KALRN: variants seen among roughly 807,000 people sequenced by gnomAD.
KALRN encodes the protein kalirin.
A neutral mutation model predicts 353.7 loss-of-function variants in KALRN; 70 were observed. That is an observed-to-expected ratio of 0.20 (90% CI 0.16 to 0.24). KALRN has a LOEUF of 0.24. KALRN is among the 10% of genes least tolerant of loss of function. The pLI is 1.00. For synonymous variants in KALRN, 1,391 were observed against 1,434.8 expected (o/e 0.97, Z 0.69); for missense variants, 2,791 against 3,756.7 (o/e 0.74, Z 6.72).
Position 124,717,498 on chromosome 3 carries a change from G to T in KALRN, c.8415+113G>T, listed in dbSNP as rs702041. On this transcript the variant is annotated intron_variant, in intron 59 of 59. Coordinates refer to ENST00000682506, the MANE Select transcript of KALRN (RefSeq NM_001388419.1). ...TCAGGAGATCGAGACCATCCTGGCTGACACGGTGAAACCCCGTCTCTACTA... is the reference window on the plus strand; with the variant it reads ...TCAGGAGATCGAGACCATCCTGGCTTACACGGTGAAACCCCGTCTCTACTA... 3 of 590,044 alleles carry T rather than the reference G, an allele frequency of 5.1e-6. No homozygotes were observed. The South Asian group carries it at 1.1e-4, about 21-fold the overall frequency. 36.6% of individuals were successfully genotyped at this position (590,044 alleles called of 1,614,324 possible).
At chr3:124,373,438 G>C (rs892458039) in intron 10 of KALRN, among the ~76,000 whole-genome samples, 1 of 152,144 alleles carries the variant, frequency 6.6e-6, no homozygotes, top group Non-Finnish European at 1.5e-5. Context: ...TTTGTTTCCC[G>C]TGGCTACTGT....
intron 1 of KALRN, among the ~76,000 whole-genome samples, chr3:124,050,540 T>C (rs2040925965): frequency 6.6e-6 from 1 of 152,216 alleles, no homozygotes; most frequent in Non-Finnish European, 1.5e-5. Context: ...TCAGGTGCCC[T>C]CATAACCATT....
intron 11 of KALRN, among the ~76,000 whole-genome samples, chr3:124,392,409 A>G (rs2089531341): frequency 6.6e-6 from 1 of 152,196 alleles, no homozygotes; most frequent in Non-Finnish European, 1.5e-5. Context: ...AATCTTTATC[A>G]CAACTCTCTG....
chr3:124,446,419 C>T (rs1361231081), intron 20 of KALRN, 143 bp downstream of exon 20: 1 of 643,774 alleles, frequency 1.6e-6, no homozygotes, highest in Non-Finnish European at 2.7e-6. Context: ...AGGTTGTCAC[C>T]TGTCAGCAGT....
intron 4 of KALRN, 43 bp downstream of exon 4, chr3:124,264,733 C>T: frequency 1.3e-6 from 2 of 1,523,292 alleles, no homozygotes; most frequent in Non-Finnish European, 1.8e-6. Flanking sequence ...TTCCCTTCCC[C>T]TTCTGCCATC....
Position 124,174,358 on chromosome 3 carries a change from C to T in KALRN, c.74-53632C>T, listed in dbSNP as rs911627279. Among the ~76,000 whole-genome samples, 11 of 151,982 alleles carry T rather than the reference C, an allele frequency of 7.2e-5. 1 individual carries two copies. Among genetic ancestry groups the T allele is most frequent in the African/African-American group, 2.2e-4 (9 of 41,366 alleles). On this transcript the variant is annotated intron_variant, in intron 1 of 59. Transcript: ENST00000682506. ...CTGAGGCAGGAGAATCTCTTGAACC[C>T]GGGAGGCAGAGGTTGCAGTGAGCCA...
chr3:124,518,357 A>G (rs1457339775), intron 33 of KALRN: 1 of 1,573,172 alleles, frequency 6.4e-7, no homozygotes. Flanking sequence ...AGATTTTTGC[A>G]AAGTTATATG....
Position 124,477,354 on chromosome 3 carries a change from C to G in KALRN, c.4191+20C>G, listed in dbSNP as rs2061522065. On this transcript the variant is annotated intron_variant, in intron 27 of 59. Coordinates refer to ENST00000682506, the MANE Select transcript of KALRN (RefSeq NM_001388419.1). Reference sequence around the variant, plus strand: ...TTTGATGTAAGCTGTGTTTTCCATTCTTGAGCAGCTGATGAGCAGGTGGAA... The same window carrying G: ...TTTGATGTAAGCTGTGTTTTCCATTGTTGAGCAGCTGATGAGCAGGTGGAA... The G allele has an allele frequency of 2.6e-6, 4 of 1,558,248 alleles. No homozygotes were observed. The highest frequency in any genetic ancestry group is 3.5e-6 in the Non-Finnish European group (4 of 1,129,544).
intron 1 of KALRN, chr3:124,151,890 T>A: frequency 1.7e-6 from 1 of 578,408 alleles, no homozygotes; most frequent in Admixed American, 3.0e-5. Flanking sequence ...TATTACTATT[T>A]TGTATTCAAT....
rs754132530 is a variant in KALRN at position 124,203,195 on chromosome 3, G to A, written c.74-24795G>A. Among the ~76,000 whole-genome samples, 29 of 152,274 alleles carry A rather than the reference G, an allele frequency of 1.9e-4. No individual in the cohort carries two copies. In the Middle Eastern group the frequency reaches 0.024, roughly 125 times the overall value. On this transcript the variant is annotated intron_variant, in intron 1 of 59. Coordinates refer to ENST00000682506, the MANE Select transcript of KALRN (RefSeq NM_001388419.1). The stretch of plus-strand genomic sequence containing the variant: ...TAGCTGAAACTCAGTGCAGCAGTTT[G>A]GGGTGCCAACATTCTCCCTGACCAG...
At chr3:124,277,079 G>C (rs2074822469) in intron 5 of KALRN, among the ~76,000 whole-genome samples, 1 of 152,218 alleles carries the variant, frequency 6.6e-6, no homozygotes, top group African/African-American at 2.4e-5. Flanking sequence ...TAAAGGGGCT[G>C]GGGGCTAGGA....
intron 33 of KALRN, among the ~76,000 whole-genome samples, chr3:124,547,755 C>T (rs2069889244): frequency 6.6e-6 from 1 of 151,804 alleles, no homozygotes; most frequent in South Asian, 2.1e-4. Flanking sequence ...CCTCCCCACC[C>T]CCCAGCTACC....
At chr3:124,113,489 G>A (rs2063180566) in intron 1 of KALRN, among the ~76,000 whole-genome samples, 1 of 152,234 alleles carries the variant, frequency 6.6e-6, no homozygotes, top group South Asian at 2.1e-4. Flanking sequence ...ATAATCAAAA[G>A]TTGAATTGGA....
At chr3:124,556,430 T>TA (rs2071255986) in intron 33 of KALRN, among the ~76,000 whole-genome samples, 2 of 152,162 alleles carry the variant, frequency 1.3e-5, no homozygotes. Flanking sequence ...CAATTCAAGA[T>TA]AAAAGCACAG....
chr3:124,458,082 C>T (rs2059501180), intron 23 of KALRN, among the ~76,000 whole-genome samples: 1 of 152,090 alleles, frequency 6.6e-6, no homozygotes, highest in Admixed American at 6.6e-5. Flanking sequence ...TCGAGACCGG[C>T]CTGGCCAACA....
At chr3:124,623,648 G>A (rs564281212) in intron 34 of KALRN, among the ~76,000 whole-genome samples, 30 of 152,236 alleles carry the variant, frequency 2.0e-4, no homozygotes, top group African/African-American at 7.0e-4. Flanking sequence ...TAACTGCGCT[G>A]GCAGCTGATT....
At chr3:124,396,999 C>T (rs541467291) in intron 12 of KALRN, among the ~76,000 whole-genome samples, 1 of 152,344 alleles carries the variant, frequency 6.6e-6, no homozygotes, top group South Asian at 2.1e-4. Flanking sequence ...CCTATGTCTT[C>T]CTGATCTTTC....
chr3:124,468,433 G>A (rs1049379411), intron 25 of KALRN, among the ~76,000 whole-genome samples: 2 of 152,146 alleles, frequency 1.3e-5, no homozygotes, highest in Non-Finnish European at 2.9e-5. Flanking sequence ...CTGGGGAAAG[G>A]CCGCCCTGTC....
intron 34 of KALRN, among the ~76,000 whole-genome samples, chr3:124,578,411 A>G (rs2074320806): frequency 6.6e-6 from 1 of 152,234 alleles, no homozygotes. Context: ...GCAGTTAGCA[A>G]CCAGGGAGCA....
Sources: allele counts gnomAD v4.1 joint callset (sites outside exome capture counted in the v4.1 genomes callset), GRCh38; gene constraint gnomAD v4.1.1; transcripts MANE v1.5; gene names NCBI Gene and HGNC (gene_info 2026-07-23, HGNC 2026-07-21).